FAM135B: variants seen among roughly 807,000 people sequenced by gnomAD.
FAM135B encodes family with sequence similarity 135 member B.
FAM135B carries 43 observed loss-of-function variants against 127.7 expected under a neutral mutation model. The observed-to-expected ratio is 0.34, with a 90% CI of 0.26 to 0.43. The LOEUF (loss-of-function observed/expected upper bound fraction) is 0.43. Among genes scored for constraint, FAM135B ranks in the 20% least tolerant of loss-of-function variants. The probability of loss-of-function intolerance (pLI) is 1.00; values close to 1 mark genes in which losing one functional copy is unlikely to be tolerated. For synonymous variants in FAM135B, 670 were observed against 665.1 expected (o/e 1.01, Z -0.11); for missense variants, 1,558 against 1,725.6 (o/e 0.90, Z 1.72).
At chr8:138,395,205 T>C (rs909849795) in intron 1 of FAM135B, among the ~76,000 whole-genome samples, 2 of 152,194 alleles carry the variant, frequency 1.3e-5, no homozygotes, top group Admixed American at 1.3e-4. Flanking sequence ...TCTCCACTTA[T>C]ATAATAAATT....
At chr8:138,251,508 A>C (rs139782805) in intron 5 of FAM135B, among the ~76,000 whole-genome samples, 17 of 152,336 alleles carry the variant, frequency 1.1e-4, no homozygotes, top group African/African-American at 3.6e-4. Context: ...AGTATCTGGC[A>C]GGTATTGAGA....
At chr8:138,360,956 C>T (rs1830384411) in intron 2 of FAM135B, among the ~76,000 whole-genome samples, 1 of 149,234 alleles carries the variant, frequency 6.7e-6, no homozygotes, top group Non-Finnish European at 1.5e-5. Flanking sequence ...GATGAAGTCT[C>T]ACTCTGTTGC....
intron 7 of FAM135B, among the ~76,000 whole-genome samples, chr8:138,215,097 C>A (rs1818445578): frequency 6.6e-6 from 1 of 152,016 alleles, no homozygotes; most frequent in Non-Finnish European, 1.5e-5. Context: ...GTTTTAGATC[C>A]CATGAAGATG....
At chr8:138,282,807 T>C (rs1381542045) in intron 3 of FAM135B, among the ~76,000 whole-genome samples, 4 of 152,234 alleles carry the variant, frequency 2.6e-5, no homozygotes, top group Admixed American at 2.0e-4. Context: ...TCTTACCATG[T>C]GATCCAGCAG....
chr8:138,424,805 A>T (rs1177143969), intron 1 of FAM135B, among the ~76,000 whole-genome samples: 2 of 152,198 alleles, frequency 1.3e-5, no homozygotes, highest in African/African-American at 4.8e-5. Flanking sequence ...TAACACTATG[A>T]GGAGTAGGGA....
At chr8:138,319,105 GTTGT>G (rs1827279707) in intron 2 of FAM135B, among the ~76,000 whole-genome samples, 9 of 151,700 alleles carry the variant, frequency 5.9e-5, no homozygotes, top group African/African-American at 2.2e-4. Context: ...TTTTGTTGTT[GTTGT>G]TTGTTTGTTT....
At chr8:138,470,112 A>G (rs1178288181) in intron 1 of FAM135B, among the ~76,000 whole-genome samples, 1 of 152,252 alleles carries the variant, frequency 6.6e-6, no homozygotes, top group Non-Finnish European at 1.5e-5. Context: ...TTTGAAAGGT[A>G]TAATATCTGA....
At chr8:138,369,038 T>C (rs1180754885) in intron 1 of FAM135B, among the ~76,000 whole-genome samples, 1 of 152,156 alleles carries the variant, frequency 6.6e-6, no homozygotes, top group Non-Finnish European at 1.5e-5. Flanking sequence ...ACTTTCTAAC[T>C]CTGGAATGTG....
At chr8:138,263,423 A>G (rs933982171) in intron 4 of FAM135B, among the ~76,000 whole-genome samples, 1 of 152,218 alleles carries the variant, frequency 6.6e-6, no homozygotes, top group Non-Finnish European at 1.5e-5. Context: ...CAAAAGGTAA[A>G]GACACGACTG....
rs2130978963 is a variant in FAM135B at position 138,178,536 on chromosome 8, C to T, written c.1028G>A (p.Arg343Lys). 6.2e-7 allele frequency: 1 copy of T among 1,613,552 alleles called. No individual in the cohort carries two copies. The highest frequency in any genetic ancestry group is 8.5e-7 in the Non-Finnish European group (1 of 1,179,992). ...TYLTQEHHTL[R>K]VRRFSEAFFY... Reference sequence around the variant, plus strand: ...AATGCACAGCAGTTGGCCACTCACCCTCAGGGTGTGGTGTTCCTGGGTGAG... The same window carrying T: ...AATGCACAGCAGTTGGCCACTCACCTTCAGGGTGTGGTGTTCCTGGGTGAG... Residue 343 changes from arginine (R) to lysine (K), a missense_variant and splice_region_variant, in exon 10 of 20, where the codon AGG becomes AAG. By Grantham distance (26) the Arg-to-Lys change is conservative (BLOSUM62 2). Transcript: ENST00000395297.
intron 2 of FAM135B, among the ~76,000 whole-genome samples, chr8:138,357,126 T>G (rs1186794191): frequency 6.6e-6 from 1 of 152,034 alleles, no homozygotes; most frequent in African/African-American, 2.4e-5. Flanking sequence ...ATTATTTATA[T>G]TATCAATAGA....
At chr8:138,357,151 AG>A (rs1433655736) in intron 2 of FAM135B, among the ~76,000 whole-genome samples, 1 of 151,214 alleles carries the variant, frequency 6.6e-6, no homozygotes, top group African/African-American at 2.4e-5. Context: ...AGTTTCCTAA[AG>A]AAAAAAAGAC....
At chr8:138,356,430 A>G (rs1309897914) in intron 2 of FAM135B, among the ~76,000 whole-genome samples, 1 of 152,154 alleles carries the variant, frequency 6.6e-6, no homozygotes, top group Non-Finnish European at 1.5e-5. Context: ...TGCTTCCTCT[A>G]TGATTTAGGG....
chr8:138,328,893 T>G lies in FAM135B; in HGVS notation c.78-17973A>C, dbSNP rs142830709. Among the ~76,000 whole-genome samples the G allele has an allele frequency of 2.2e-4, 34 of 152,320 alleles. No homozygotes were observed. In the East Asian group the frequency reaches 6.2e-3, roughly 28 times the overall value. On this transcript the variant is annotated intron_variant, in intron 2 of 19. Transcript: ENST00000395297. ...AGTCTTCAATAGTTATGAGACTATT[T>G]GATGCAAGGTGCATGTATATACTGT...
Position 138,141,495 on chromosome 8 carries a change from A to C in FAM135B, c.3639-146T>G. The C allele has an allele frequency of 2.5e-6, 2 of 798,334 alleles. No homozygotes were observed. The highest frequency in any genetic ancestry group is 4.1e-6 in the Non-Finnish European group (2 of 488,654). The allele number at this position is 798,334 out of a possible 1,614,324, so 49.5% of individuals were successfully genotyped here. On this transcript the variant is annotated intron_variant, in intron 16 of 19. Coordinates refer to ENST00000395297, the MANE Select transcript of FAM135B (RefSeq NM_015912.4). This position sits in a 1 kb window ranked among gnomAD's most constrained non-coding sequence, Gnocchi z 4.7. ...CAAAGAGAACAGGGACTGCCAACTC[A>C]ACCTCATCAGGTTTCAAAACACTGG...
At chr8:138,218,617 T>C (rs1412902353) in intron 7 of FAM135B, among the ~76,000 whole-genome samples, 1 of 152,118 alleles carries the variant, frequency 6.6e-6, no homozygotes, top group Non-Finnish European at 1.5e-5. Context: ...AAAAACTGAA[T>C]ATACAGCACA....
chr8:138,263,369 G>A (rs189657396), intron 4 of FAM135B, among the ~76,000 whole-genome samples: 7 of 152,130 alleles, frequency 4.6e-5, no homozygotes, highest in East Asian at 3.9e-4. Flanking sequence ...CATTCTCCTC[G>A]TAGTCACTTG....
intron 1 of FAM135B, among the ~76,000 whole-genome samples, chr8:138,444,556 G>A (rs1050112844): frequency 8.5e-5 from 13 of 152,074 alleles, no homozygotes; most frequent in African/African-American, 2.9e-4. Flanking sequence ...TGACTACTGG[G>A]TACATAATGA....
chr8:138,422,477 C>T (rs1834570315), intron 1 of FAM135B, among the ~76,000 whole-genome samples: 1 of 152,052 alleles, frequency 6.6e-6, no homozygotes, highest in African/African-American at 2.4e-5. Context: ...AGACACTTCT[C>T]AAAATAAGAC....
Sources: allele counts gnomAD v4.1 joint callset (sites outside exome capture counted in the v4.1 genomes callset), GRCh38; gene constraint gnomAD v4.1.1; non-coding constraint Gnocchi (gnomAD v3.1); transcripts MANE v1.5; gene names NCBI Gene and HGNC (gene_info 2026-07-23, HGNC 2026-07-21).